CNTN5: variants seen among roughly 807,000 people sequenced by gnomAD.
The protein encoded by CNTN5 is contactin-5.
CNTN5 carries 77 observed loss-of-function variants against 129.1 expected under a neutral mutation model. The ratio of observed to expected loss-of-function variants is 0.60; its 90% CI spans 0.50 to 0.72. CNTN5 has a LOEUF of 0.72. CNTN5 is among the 30% of genes least tolerant of loss of function. The pLI is 0.00. For missense variants in CNTN5, 1,478 were observed against 1,328.8 expected (o/e 1.11, Z -1.75); for synonymous variants, 509 against 465.6 (o/e 1.09, Z -1.20).
chr11:99,316,583 AC>A (rs1304222853), intron 1 of CNTN5, among the ~76,000 whole-genome samples: 1 of 151,952 alleles, frequency 6.6e-6, no homozygotes, highest in African/African-American at 2.4e-5. Context: ...TCAGTAGACG[AC>A]CCTTCGGTGG....
chr11:100,234,118 G>A (rs1565360601), intron 16 of CNTN5, among the ~76,000 whole-genome samples: 1 of 152,140 alleles, frequency 6.6e-6, no homozygotes, highest in Non-Finnish European at 1.5e-5. Context: ...CAGTTAGAAT[G>A]GTGGTCATTA....
chr11:99,083,407 G>A (rs1565303991), intron 1 of CNTN5, among the ~76,000 whole-genome samples: 1 of 152,112 alleles, frequency 6.6e-6, no homozygotes, highest in Non-Finnish European at 1.5e-5. Flanking sequence ...CACTTCAGAC[G>A]CATTACACCT....
At position 99,819,722 on chromosome 11, in the gene CNTN5, C is replaced by T. The variant is rs200637003; in HGVS notation, c.234C>T (p.Ser78=). ...SWLGAAQNYY[S]PINLYHSSDA... is the part of the protein sequence containing the mutation. ...TAGGGGCAGCTCAGAATTATTATTC[C>T]CCCATCAATCTTTATCATTCCTCAG... is the stretch of plus-strand genomic sequence containing the variant. The change falls in exon 4 of 25, where the codon TCC becomes TCT. Residue 78 remains serine, a synonymous_variant. Coordinates refer to ENST00000524871, the MANE Select transcript of CNTN5 (RefSeq NM_014361.4). 1.2e-6 allele frequency: 2 copies of T among 1,610,754 alleles called. No individual in the cohort carries two copies. Among genetic ancestry groups the T allele is most frequent in the African/African-American group, 1.3e-5 (1 of 74,940 alleles).
chr11:99,055,062 T>C (rs1211397601), intron 1 of CNTN5, among the ~76,000 whole-genome samples: 1 of 151,988 alleles, frequency 6.6e-6, no homozygotes, highest in East Asian at 1.9e-4. Context: ...ATTCCCAGAA[T>C]TCAAAATATC....
At chr11:99,656,704 G>A (rs192966321) in intron 3 of CNTN5, among the ~76,000 whole-genome samples, 1 of 152,226 alleles carries the variant, frequency 6.6e-6, no homozygotes, top group Non-Finnish European at 1.5e-5. Flanking sequence ...TAGAGACATG[G>A]AAGACTGGAA....
chr11:99,330,521 T>G (rs1255857960), intron 2 of CNTN5, among the ~76,000 whole-genome samples: 1 of 152,190 alleles, frequency 6.6e-6, no homozygotes, highest in African/African-American at 2.4e-5. Context: ...TTCCTAATTC[T>G]TGTGCTCTCC....
chr11:99,799,387 G>C (rs1307845899), intron 3 of CNTN5, among the ~76,000 whole-genome samples: 1 of 151,930 alleles, frequency 6.6e-6, no homozygotes, highest in Non-Finnish European at 1.5e-5. Flanking sequence ...CTGTAGGTTT[G>C]TCATAAATGG....
At chr11:99,266,479 G>T (rs960905444) in intron 1 of CNTN5, among the ~76,000 whole-genome samples, 2 of 152,042 alleles carry the variant, frequency 1.3e-5, no homozygotes, top group East Asian at 3.9e-4. Context: ...GCATGCGCCT[G>T]TATTTCTAGC....
Position 100,340,265 on chromosome 11 carries a change from A to G in CNTN5, c.2731-198A>G, listed in dbSNP as rs557001129. ...TGCTGAGTACTGCTGTAGTGCTGCA[A>G]TTTACACAGATGCAAAGCAGACAGT... is the stretch of plus-strand genomic sequence containing the variant. On this transcript the variant is annotated intron_variant, in intron 21 of 24. Coordinates refer to ENST00000524871, the MANE Select transcript of CNTN5 (RefSeq NM_014361.4). Among the ~76,000 whole-genome samples the G allele has an allele frequency of 3.3e-5, 5 of 152,296 alleles. No individual in the cohort carries two copies. The East Asian group carries it at 9.7e-4, about 29-fold the overall frequency.
At chr11:99,503,600 C>A (rs1003139143) in intron 2 of CNTN5, among the ~76,000 whole-genome samples, 4 of 152,118 alleles carry the variant, frequency 2.6e-5, no homozygotes, top group African/African-American at 9.7e-5. Context: ...GTTAATATAT[C>A]TTTCACCTTT....
At chr11:99,080,372 G>A (rs2135279449) in intron 1 of CNTN5, among the ~76,000 whole-genome samples, 1 of 152,260 alleles carries the variant, frequency 6.6e-6, no homozygotes, top group Middle Eastern at 3.4e-3. Context: ...GTGGTGTGGA[G>A]AGAGCATTTG....
At chr11:99,733,824 C>T (rs1943613166) in intron 3 of CNTN5, among the ~76,000 whole-genome samples, 1 of 152,136 alleles carries the variant, frequency 6.6e-6, no homozygotes. Context: ...AACACACAAG[C>T]AGTGATAAAA....
chr11:100,145,313 A>G (rs1197322989), intron 13 of CNTN5, among the ~76,000 whole-genome samples: 2 of 152,074 alleles, frequency 1.3e-5, no homozygotes. Context: ...ACCACCAATT[A>G]TATATGTCTT....
At position 99,138,523 on chromosome 11, in the gene CNTN5, A is replaced by G. The variant is rs17133159; in HGVS notation, c.-210+117253A>G. ...TAATTTTATGCTTTATTTTTAAACA[A>G]TGTTGCGATGCATTATAGGATGTTA... On this transcript the variant is annotated intron_variant, in intron 1 of 24. Transcript: ENST00000524871. Among the ~76,000 whole-genome samples, 1,284 of 152,310 alleles carry G rather than the reference A, an allele frequency of 8.4e-3. 22 individuals are homozygous for G. Among genetic ancestry groups the G allele is most frequent in the African/African-American group, 0.029 (1,192 of 41,574 alleles).
At chr11:99,924,034 C>T (rs1950002916) in intron 7 of CNTN5, among the ~76,000 whole-genome samples, 1 of 152,180 alleles carries the variant, frequency 6.6e-6, no homozygotes, top group South Asian at 2.1e-4. Context: ...TCATGGTCCG[C>T]CGGCTTCTGC....
Position 99,845,147 on chromosome 11 carries a change from T to C in CNTN5, c.462T>C (p.Asp154=), listed in dbSNP as rs754546596. The change falls in exon 6 of 25, where the codon GAT becomes GAC. Residue 154 remains aspartate, a synonymous_variant. Transcript: ENST00000524871. ...GTGATTATCGCTACAGTTTGATAGA[T>C]GGCACCTTCATTATAAGCAATCCAA... The part of the protein sequence containing the change: ...LESDYRYSLI[D]GTFIISNPSE... 1.7e-5 allele frequency: 28 copies of C among 1,613,696 alleles called. No homozygotes were observed. Among genetic ancestry groups the C allele is most frequent in the South Asian group, 7.7e-5 (7 of 91,088 alleles).
chr11:99,153,190 T>A (rs958632800), intron 1 of CNTN5, among the ~76,000 whole-genome samples: 4 of 152,238 alleles, frequency 2.6e-5, no homozygotes, highest in African/African-American at 9.6e-5. Flanking sequence ...TATTGGCCTC[T>A]CTAGCAAGGT....
intron 3 of CNTN5, among the ~76,000 whole-genome samples, chr11:99,737,187 T>A (rs1263482004): frequency 6.6e-6 from 1 of 151,606 alleles, no homozygotes; most frequent in Non-Finnish European, 1.5e-5. Context: ...AGTCTTTCAA[T>A]AAACCTTTCA....
At chr11:99,309,721 A>T (rs1865027121) in intron 1 of CNTN5, among the ~76,000 whole-genome samples, 1 of 152,216 alleles carries the variant, frequency 6.6e-6, no homozygotes, top group South Asian at 2.1e-4. Context: ...CATTTTATGC[A>T]TCTCAACTCC....
Sources: gnomAD v4.1 joint callset for allele counts (sites outside exome capture counted in the v4.1 genomes callset) on GRCh38, gnomAD v4.1.1 for gene constraint, MANE v1.5 for transcripts, NCBI Gene and HGNC (gene_info 2026-07-23, HGNC 2026-07-21) for gene names.